GRID1: variants seen among roughly 807,000 people sequenced by gnomAD.
The protein encoded by GRID1 is glutamate receptor ionotropic, delta-1.
GRID1 carries 28 observed loss-of-function variants against 98.0 expected under a neutral mutation model. The ratio of observed to expected loss-of-function variants is 0.29; its 90% CI spans 0.21 to 0.39. GRID1 has a LOEUF of 0.39. Among genes scored for constraint, GRID1 ranks in the 10% least tolerant of loss-of-function variants. The pLI, the probability that GRID1 is intolerant of heterozygous loss-of-function variation, is 1.00. For missense variants in GRID1, 1,111 were observed against 1,340.5 expected (o/e 0.83, Z 2.67); for synonymous variants, 553 against 538.5 (o/e 1.03, Z -0.37).
chr10:86,006,575 G>A (rs1044367611), intron 4 of GRID1, among the ~76,000 whole-genome samples: 1 of 151,656 alleles, frequency 6.6e-6, no homozygotes, highest in Non-Finnish European at 1.5e-5. Context: ...CTGAGATTGC[G>A]CCACTGCACT....
intron 8 of GRID1, among the ~76,000 whole-genome samples, chr10:85,825,419 G>C (rs1175550022): frequency 1.3e-5 from 2 of 151,088 alleles, no homozygotes; most frequent in Non-Finnish European, 2.9e-5. Flanking sequence ...TGAGCTTCTT[G>C]TAGATTCTGG....
intron 8 of GRID1, among the ~76,000 whole-genome samples, chr10:85,770,906 G>A (rs1027266270): frequency 3.3e-5 from 5 of 152,140 alleles, no homozygotes; most frequent in Admixed American, 2.6e-4. Context: ...ACTCTGCAGG[G>A]TATTATCCAG....
At chr10:86,113,884 C>G (rs1271359037) in intron 4 of GRID1, among the ~76,000 whole-genome samples, 1 of 152,236 alleles carries the variant, frequency 6.6e-6, no homozygotes, top group Non-Finnish European at 1.5e-5. Flanking sequence ...CACAGGACAG[C>G]TTTTGCCTAA....
intron 4 of GRID1, among the ~76,000 whole-genome samples, chr10:86,110,067 G>A (rs1844455880): frequency 6.6e-6 from 1 of 150,962 alleles, no homozygotes; most frequent in Non-Finnish European, 1.5e-5. Context: ...CTGCCTCTCG[G>A]GTTCAAGCAA....
Position 85,647,279 on chromosome 10 carries a change from C to G in GRID1, c.2116G>C (p.Ala706Pro). Residue 706 changes from alanine (A) to proline (P), a missense_variant, in exon 13 of 16, where the codon GCT becomes CCT. Coordinates refer to ENST00000327946, the MANE Select transcript of GRID1 (RefSeq NM_017551.3). ...TTGCTGATGGTCCGCCAGAGTTCAG[C>G]AAACGTGCTGTCCTGCTCCAGGGGG... ...TNPLEQDSTF[A>P]ELWRTISKNG... 1 of 1,614,246 alleles carries G rather than the reference C, an allele frequency of 6.2e-7. No homozygotes were observed. Among genetic ancestry groups the G allele is most frequent in the Non-Finnish European group, 8.5e-7 (1 of 1,180,032 alleles).
At chr10:85,964,822 A>G (rs531581583) in intron 4 of GRID1, among the ~76,000 whole-genome samples, 1 of 152,254 alleles carries the variant, frequency 6.6e-6, no homozygotes, top group Non-Finnish European at 1.5e-5. Context: ...GCTTCTGCAC[A>G]GCAAAAGAAA....
At chr10:86,363,820 C>A (rs1447856013) in intron 2 of GRID1, 121 bp downstream of exon 2, 1 of 819,354 alleles carries the variant, frequency 1.2e-6, no homozygotes, top group Admixed American at 2.6e-5. Context: ...CATGGCACCG[C>A]GGCTGCCGAG....
At chr10:86,285,073 A>C (rs1187590255) in intron 2 of GRID1, among the ~76,000 whole-genome samples, 2 of 152,024 alleles carry the variant, frequency 1.3e-5, no homozygotes, top group African/African-American at 4.8e-5. Flanking sequence ...AGAGGAGAGG[A>C]GCGAGCCCCC....
At chr10:85,846,743 T>A (rs780096997) in intron 8 of GRID1, among the ~76,000 whole-genome samples, 15 of 152,184 alleles carry the variant, frequency 9.9e-5, no homozygotes, top group Non-Finnish European at 2.1e-4. Flanking sequence ...TTTTTTAAAT[T>A]GTTTACAAGT....
chr10:85,950,204 A>G (rs1008441259), intron 4 of GRID1, among the ~76,000 whole-genome samples: 8 of 152,218 alleles, frequency 5.3e-5, no homozygotes, highest in African/African-American at 1.9e-4. Context: ...ACTAAAGTAT[A>G]TGCCTGAAGA....
chr10:86,084,329 G>A (rs181645300), intron 4 of GRID1, among the ~76,000 whole-genome samples: 91 of 152,202 alleles, frequency 6.0e-4, no homozygotes, highest in Admixed American at 2.6e-3. Context: ...AGGAAGGAAG[G>A]AGGGGAGGGA....
chr10:86,100,243 C>T (rs1844277693), intron 4 of GRID1, among the ~76,000 whole-genome samples: 1 of 152,190 alleles, frequency 6.6e-6, no homozygotes, highest in South Asian at 2.1e-4. Context: ...CAACAGCATG[C>T]AGGCTGTAGA....
intron 4 of GRID1, among the ~76,000 whole-genome samples, chr10:85,963,565 T>A (rs1842298753): frequency 6.6e-6 from 1 of 152,108 alleles, no homozygotes. Context: ...GATCTCCCCA[T>A]CCTCCACTCT....
intron 4 of GRID1, among the ~76,000 whole-genome samples, chr10:85,977,923 G>A (rs543999322): frequency 1.3e-5 from 2 of 152,186 alleles, no homozygotes; most frequent in African/African-American, 4.8e-5. Context: ...TGCCCTGAAT[G>A]ATGGACATGA....
chr10:86,081,344 A>C (rs1843975878), intron 4 of GRID1, among the ~76,000 whole-genome samples: 1 of 152,120 alleles, frequency 6.6e-6, no homozygotes, highest in Non-Finnish European at 1.5e-5. Flanking sequence ...GAAAAGGAGA[A>C]ACTGACAATG....
At chr10:86,265,621 G>A (rs1564723536) in intron 2 of GRID1, among the ~76,000 whole-genome samples, 1 of 152,208 alleles carries the variant, frequency 6.6e-6, no homozygotes, top group Admixed American at 6.5e-5. Flanking sequence ...ACTCATTCTT[G>A]CTCTTGCAGC....
chr10:85,872,299 A>G (rs1031646762), intron 5 of GRID1, among the ~76,000 whole-genome samples: 1 of 152,196 alleles, frequency 6.6e-6, no homozygotes, highest in Non-Finnish European at 1.5e-5. Flanking sequence ...ATTATGCACA[A>G]AAGAGAGAAT....
intron 8 of GRID1, among the ~76,000 whole-genome samples, chr10:85,805,835 T>C (rs1267889106): frequency 6.6e-6 from 1 of 151,740 alleles, no homozygotes; most frequent in Non-Finnish European, 1.5e-5. Context: ...TAATTCAAAA[T>C]CAATCATAGC....
chr10:85,917,707 G>A (rs1362102906), intron 4 of GRID1, among the ~76,000 whole-genome samples: 2 of 152,196 alleles, frequency 1.3e-5, no homozygotes, highest in East Asian at 3.8e-4. Context: ...TCATGCACAG[G>A]GTGCATCTCT....
Sources: gnomAD v4.1 joint callset for allele counts (sites outside exome capture counted in the v4.1 genomes callset) on GRCh38, gnomAD v4.1.1 for gene constraint, MANE v1.5 for transcripts, NCBI Gene and HGNC (gene_info 2026-07-23, HGNC 2026-07-21) for gene names.